The following GOLIM4 variants were observed in gnomAD, a reference collection of about 807,000 sequenced individuals.
GOLIM4 encodes 130 kDa golgi-localized phosphoprotein.
Under a neutral mutation model 107.4 loss-of-function variants are expected in GOLIM4, and 71 were observed. The ratio of observed to expected loss-of-function variants is 0.66; its 90% CI spans 0.55 to 0.81. GOLIM4 has a LOEUF of 0.81. Ranked by LOEUF, GOLIM4 falls within the 30% of genes least tolerant of loss-of-function variation. The probability of loss-of-function intolerance (pLI) is 0.00; values close to 1 mark genes in which losing one functional copy is unlikely to be tolerated. For synonymous variants in GOLIM4, 327 were observed against 294.8 expected (o/e 1.11, Z -1.12); for missense variants, 830 against 826.1 (o/e 1.00, Z -0.06).
intron 14 of GOLIM4, among the ~76,000 whole-genome samples, chr3:168,016,380 A>T (rs2108210730): frequency 7.6e-6 from 1 of 131,918 alleles, no homozygotes; most frequent in East Asian, 2.0e-4. Context: ...ATCATTAAAA[A>T]GTCAGGAAAC....
chr3:168,065,145 A>G (rs1437781129), intron 1 of GOLIM4, among the ~76,000 whole-genome samples: 1 of 152,210 alleles, frequency 6.6e-6, no homozygotes, highest in Non-Finnish European at 1.5e-5. Context: ...TTCCTCAGTA[A>G]TAAAATGAAG....
intron 1 of GOLIM4, among the ~76,000 whole-genome samples, chr3:168,068,634 T>C: frequency 6.6e-6 from 1 of 151,864 alleles, no homozygotes; most frequent in Non-Finnish European, 1.5e-5. Context: ...CTTATTTCTC[T>C]AAAATTTAAA....
intron 1 of GOLIM4, among the ~76,000 whole-genome samples, chr3:168,089,278 A>G (rs904671261): frequency 6.6e-6 from 1 of 152,224 alleles, no homozygotes; most frequent in African/African-American, 2.4e-5. Context: ...ATGTCCATTT[A>G]ATAGACAATG....
chr3:168,080,755 GA>G (rs1721319210), intron 1 of GOLIM4, among the ~76,000 whole-genome samples: 1 of 152,060 alleles, frequency 6.6e-6, no homozygotes, highest in Non-Finnish European at 1.5e-5. Context: ...GTTGCAATAG[GA>G]CTTTCCCCAC....
intron 1 of GOLIM4, among the ~76,000 whole-genome samples, chr3:168,061,679 G>C (rs546825677): frequency 5.8e-4 from 89 of 152,316 alleles, no homozygotes; most frequent in African/African-American, 2.0e-3. Flanking sequence ...GAGGAAAGGA[G>C]CCAGACAGCA....
rs1718980453 is a variant in GOLIM4, at chr3:168,041,217, C to G, written c.600+175G>C. The G allele has an allele frequency of 1.3e-5, 7 of 537,778 alleles. No individual in the cohort carries two copies. In the South Asian group the frequency reaches 2.1e-4, roughly 16 times the overall value. 33.3% of individuals were successfully genotyped at this position (537,778 alleles called of 1,614,324 possible). ...GAGAATATTCAGATTTTCAGACCAT[C>G]TTTTAGCTTACAATGCTGAAGTGGT... On this transcript the variant is annotated intron_variant, in intron 6 of 15. Transcript: ENST00000470487.
intron 14 of GOLIM4, among the ~76,000 whole-genome samples, chr3:168,012,058 C>T: frequency 1.0e-5 from 1 of 96,374 alleles, no homozygotes; most frequent in Admixed American, 8.8e-5. Context: ...CATTGACGAG[C>T]TGAGAGAAGG....
At chr3:168,029,159 C>T (rs1422549894) in intron 11 of GOLIM4, 64 bp downstream of exon 11, 2 of 1,050,032 alleles carry the variant, frequency 1.9e-6, no homozygotes, top group Non-Finnish European at 3.0e-6. Flanking sequence ...TATTGGCTCA[C>T]TGATAATATA....
At chr3:168,070,623 C>T (rs1720787041) in intron 1 of GOLIM4, among the ~76,000 whole-genome samples, 1 of 152,176 alleles carries the variant, frequency 6.6e-6, no homozygotes, top group Non-Finnish European at 1.5e-5. Context: ...TTACTATTCT[C>T]TTCCAATAAT....
chr3:168,062,185 A>T (rs1278639467), intron 1 of GOLIM4, among the ~76,000 whole-genome samples: 1 of 152,154 alleles, frequency 6.6e-6, no homozygotes, highest in Non-Finnish European at 1.5e-5. Flanking sequence ...TGTCTGTGTC[A>T]ACTCAAGTTA....
intron 13 of GOLIM4, 132 bp from the exon 14 acceptor site, chr3:168,024,726 G>A (rs754875030): frequency 4.2e-5 from 36 of 849,550 alleles, no homozygotes; most frequent in Non-Finnish European, 6.7e-5. Flanking sequence ...AGGAAATGAT[G>A]AGTAATCATT....
At chr3:168,041,496 C>A in intron 5 of GOLIM4, 22 bp from the exon 6 acceptor site, 1 of 1,166,480 alleles carries the variant, frequency 8.6e-7, no homozygotes, top group South Asian at 1.3e-5. Flanking sequence ...AAAGAAGGAT[C>A]ACACATAAAG....
At chr3:168,030,897 AG>A (rs1718294703) in intron 9 of GOLIM4, among the ~76,000 whole-genome samples, 1 of 152,228 alleles carries the variant, frequency 6.6e-6, no homozygotes, top group African/African-American at 2.4e-5. Context: ...TATATTGAAG[AG>A]ATACTTGCAC....
intron 5 of GOLIM4, among the ~76,000 whole-genome samples, chr3:168,042,154 A>T (rs190100147): frequency 5.9e-5 from 9 of 152,312 alleles, no homozygotes; most frequent in Non-Finnish European, 1.2e-4. Flanking sequence ...ACTAGACTAC[A>T]AACTTGATTT....
rs766896531 is a variant in GOLIM4, at chr3:168,032,562, T to C, written c.1134A>G (p.Gln378=). The change falls in exon 9 of 16, where the codon CAA becomes CAG. Residue 378 remains glutamine (Q), a synonymous_variant. Coordinates refer to ENST00000470487, the MANE Select transcript of GOLIM4 (RefSeq NM_014498.5). ...CTTCCAGGAGGTTGGCTGCTTCTCG[T>C]TGCTCATGCTGCTCTTTCCACTCCC... is the stretch of plus-strand genomic sequence containing the variant. The part of the protein sequence containing the change: ...QDREWKEQHE[Q]REAANLLEGH... 1.2e-5 allele frequency: 20 copies of C among 1,614,022 alleles called. No homozygotes were observed. The highest frequency in any genetic ancestry group is 8.3e-5 in the Admixed American group (5 of 59,998).
chr3:168,033,568 C>T (rs1205095557), intron 8 of GOLIM4, among the ~76,000 whole-genome samples: 1 of 126,080 alleles, frequency 7.9e-6, no homozygotes, highest in African/African-American at 2.9e-5. Flanking sequence ...GATTGCGCCA[C>T]TGCACTCCAG....
At chr3:168,024,460 G>A (rs56283429) in intron 14 of GOLIM4, 66 bp downstream of exon 14, 60,395 of 1,104,610 alleles carry the variant, frequency 0.055, 2,117 homozygotes, top group Non-Finnish European at 0.069. Context: ...TACTGCTGAG[G>A]TTTGTTTAAG....
At chr3:168,053,671 G>A (rs1376556154) in intron 1 of GOLIM4, among the ~76,000 whole-genome samples, 2 of 152,182 alleles carry the variant, frequency 1.3e-5, no homozygotes, top group Non-Finnish European at 2.9e-5. Flanking sequence ...GAAATTAAGA[G>A]CCTTTATGTG....
chr3:168,064,108 C>T (rs552297830), intron 1 of GOLIM4, among the ~76,000 whole-genome samples: 1 of 152,292 alleles, frequency 6.6e-6, no homozygotes, highest in South Asian at 2.1e-4. Flanking sequence ...TCCCAGGAGG[C>T]TTCCCCAGGC....
Sources: gnomAD v4.1 joint callset for allele counts (sites outside exome capture counted in the v4.1 genomes callset) on GRCh38, gnomAD v4.1.1 for gene constraint, MANE v1.5 for transcripts, NCBI Gene and HGNC (gene_info 2026-07-23, HGNC 2026-07-21) for gene names.